TCF7L1: variants seen among roughly 807,000 people sequenced by gnomAD.
TCF7L1 encodes transcription factor 7-like 1.
In TCF7L1, 18 loss-of-function variants were observed where a neutral mutation model predicts 63.7. The observed-to-expected ratio is 0.28, with a 90% CI of 0.20 to 0.42. TCF7L1 has a LOEUF of 0.42. TCF7L1 is among the 10% of genes least tolerant of loss of function. The pLI is 1.00. For missense variants in TCF7L1, 654 were observed against 779.3 expected, an observed-to-expected ratio of 0.84 and a Z score of 1.91; for synonymous variants, 355 against 340.9, an observed-to-expected ratio of 1.04 and a Z score of -0.46.
chr2:85,308,563 T>C (rs1485948986), intron 11 of TCF7L1, among the ~76,000 whole-genome samples: 1 of 141,316 alleles, frequency 7.1e-6, no homozygotes, highest in Non-Finnish European at 1.5e-5. Context: ...CCCTCCCTAT[T>C]TCCTTGCCTC....
intron 4 of TCF7L1, among the ~76,000 whole-genome samples, chr2:85,290,348 TA>T (rs113056803): frequency 2.6e-5 from 4 of 151,702 alleles, no homozygotes; most frequent in African/African-American, 7.3e-5. Flanking sequence ...TCCCCCCATT[TA>T]AAAAAAATTA....
chr2:85,275,013 C>G (rs1392864198), intron 3 of TCF7L1, among the ~76,000 whole-genome samples: 1 of 152,194 alleles, frequency 6.6e-6, no homozygotes, highest in Admixed American at 6.5e-5. Context: ...ACCAGAGGTT[C>G]TGAAAGGTGA....
intron 3 of TCF7L1, among the ~76,000 whole-genome samples, chr2:85,217,633 G>A (rs1679739260): frequency 6.6e-6 from 1 of 152,146 alleles, no homozygotes. Flanking sequence ...ACCCACCACT[G>A]AGTAGCATGT....
chr2:85,256,497 G>A (rs548871488), intron 3 of TCF7L1, among the ~76,000 whole-genome samples: 1 of 152,346 alleles, frequency 6.6e-6, no homozygotes, highest in East Asian at 1.9e-4. Context: ...GAATGCCTAG[G>A]GGGAAGCCCC....
At chr2:85,247,991 C>T (rs1037658070) in intron 3 of TCF7L1, among the ~76,000 whole-genome samples, 12 of 152,124 alleles carry the variant, frequency 7.9e-5, no homozygotes, top group African/African-American at 2.4e-4. Flanking sequence ...GAAAAGACTC[C>T]TTGTGGCCGG....
chr2:85,229,331 G>A (rs561768612), intron 3 of TCF7L1, among the ~76,000 whole-genome samples: 233 of 152,320 alleles, frequency 1.5e-3, no homozygotes, highest in African/African-American at 5.6e-3. Context: ...GGGAGACAGA[G>A]CGAGACTCCG....
intron 3 of TCF7L1, among the ~76,000 whole-genome samples, chr2:85,256,068 A>C (rs1680709838): frequency 6.6e-6 from 1 of 152,148 alleles, no homozygotes; most frequent in Admixed American, 6.5e-5. Context: ...TGGGAGGGAA[A>C]TAGTTAAAAA....
chr2:85,289,939 G>A (rs1681653222), intron 4 of TCF7L1, among the ~76,000 whole-genome samples: 3 of 148,010 alleles, frequency 2.0e-5, no homozygotes, highest in South Asian at 2.1e-4. Context: ...CTCCCAAAGT[G>A]CTGGGATTAC....
At chr2:85,234,385 C>T (rs933364088) in intron 3 of TCF7L1, among the ~76,000 whole-genome samples, 3 of 152,054 alleles carry the variant, frequency 2.0e-5, no homozygotes, top group Admixed American at 2.0e-4. Context: ...CCACCCACCT[C>T]GGCCTCCCAA....
At chr2:85,272,662 GTGC>G (rs1206986915) in intron 3 of TCF7L1, among the ~76,000 whole-genome samples, 1 of 152,080 alleles carries the variant, frequency 6.6e-6, no homozygotes, top group Non-Finnish European at 1.5e-5. Context: ...GGGTGGTGTG[GTGC>G]TTGCCTGTAG....
In TCF7L1 at chr2:85,264,241, G is replaced by T. The variant is rs966485475; in HGVS notation, c.442-19254G>T. Among the ~76,000 whole-genome samples, 5 of 152,326 alleles carry T rather than the reference G, an allele frequency of 3.3e-5. No homozygotes were observed. In the East Asian group the frequency reaches 7.7e-4, roughly 23 times the overall value. ...ACCATGACTTGGAGTTTAATTCAGCGTGTATCTGAGTGACTACGTGAGTAC... is the reference window on the plus strand; with the variant it reads ...ACCATGACTTGGAGTTTAATTCAGCTTGTATCTGAGTGACTACGTGAGTAC... On this transcript the variant is annotated intron_variant, in intron 3 of 11. Transcript: ENST00000282111.
At position 85,283,531 on chromosome 2, in the gene TCF7L1, T is replaced by A. The variant is rs115942112; in HGVS notation, c.478T>A (p.Ser160Thr). ...GAAATGGCCCCTCCTCGATGTCCCC[T>A]CCAGCGCCACAGTCAAGGACACGAG... Reference protein sequence around the residue: ...QMKWPLLDVPSSATVKDTRSP... With the variant: ...QMKWPLLDVPTSATVKDTRSP... The change falls in exon 4 of 12, where the codon TCC becomes ACC. Residue 160 changes from serine to threonine, a missense_variant. Physicochemically the swap from Ser to Thr is moderately conservative, Grantham distance 58. Transcript: ENST00000282111. 2.3e-3 allele frequency: 3,672 copies of A among 1,614,112 alleles called. 45 individuals carry two copies. In the African/African-American group the frequency reaches 0.034, roughly 15 times the overall value.
chr2:85,278,423 G>C (rs527510019), intron 3 of TCF7L1, among the ~76,000 whole-genome samples: 2 of 152,318 alleles, frequency 1.3e-5, no homozygotes, highest in East Asian at 3.8e-4. Flanking sequence ...TTTAAAACAT[G>C]ACTAGCATTC....
intron 3 of TCF7L1, chr2:85,186,416 A>G (rs1484929223): frequency 6.6e-6 from 1 of 151,726 alleles, no homozygotes; most frequent in Non-Finnish European, 1.5e-5. Flanking sequence ...ACAGGCAGCC[A>G]TGGTAGCCAT....
chr2:85,217,959 T>A (rs1030455592), intron 3 of TCF7L1, among the ~76,000 whole-genome samples: 3 of 152,178 alleles, frequency 2.0e-5, no homozygotes, highest in Non-Finnish European at 4.4e-5. Context: ...CTAATCAGTT[T>A]TTATCAAAAT....
At chr2:85,186,108 A>G (rs1678916039) in intron 3 of TCF7L1, among the ~76,000 whole-genome samples, 1 of 151,934 alleles carries the variant, frequency 6.6e-6, no homozygotes, top group Non-Finnish European at 1.5e-5. Context: ...CTGGGACTAC[A>G]GGTGCCTGCC....
chr2:85,154,663 A>G (rs1003870332), intron 3 of TCF7L1, among the ~76,000 whole-genome samples: 4 of 152,310 alleles, frequency 2.6e-5, no homozygotes, highest in African/African-American at 9.6e-5. Flanking sequence ...GTCGGTAAAT[A>G]TGTGGCCTAA....
intron 3 of TCF7L1, among the ~76,000 whole-genome samples, chr2:85,164,298 C>T (rs1046430260): frequency 2.0e-5 from 3 of 152,142 alleles, no homozygotes; most frequent in Non-Finnish European, 4.4e-5. Flanking sequence ...TATAATTCCC[C>T]TAATTTCCTC....
chr2:85,291,175 T>C (rs1456780143), intron 4 of TCF7L1, among the ~76,000 whole-genome samples: 1 of 152,246 alleles, frequency 6.6e-6, no homozygotes, highest in Admixed American at 6.5e-5. Context: ...ATTGGTGTTC[T>C]CTTAGGAACA....
Sources: gnomAD v4.1 joint callset for allele counts (sites outside exome capture counted in the v4.1 genomes callset) on GRCh38, gnomAD v4.1.1 for gene constraint, MANE v1.5 for transcripts, NCBI Gene and HGNC (gene_info 2026-07-23, HGNC 2026-07-21) for gene names.